CACNG1: variants seen among roughly 807,000 people sequenced by gnomAD.
The protein encoded by CACNG1 is calcium voltage-gated channel auxiliary subunit gamma 1, also known as voltage-dependent calcium channel gamma-1 subunit.
A neutral mutation model predicts 22.0 loss-of-function variants in CACNG1; 21 were observed. That is an observed-to-expected ratio of 0.95 (90% CI 0.68 to 1.37). The LOEUF (loss-of-function observed/expected upper bound fraction) is 1.37. Ranked by LOEUF, CACNG1 falls within the 40% of genes most tolerant of loss-of-function variation. The pLI is 0.00. For missense variants in CACNG1, 291 were observed against 308.6 expected (o/e 0.94, Z 0.43); for synonymous variants, 127 against 129.2 (o/e 0.98, Z 0.12).
chr17:67,047,809 C>T lies in CACNG1; in HGVS notation c.229+2920C>T, dbSNP rs543464091. ...ACATATTCCTGGGAATCTAGGAGGC[C>T]ACATGCATGCACAATGCTATATGCA... On this transcript the variant is annotated intron_variant, in intron 1 of 3. Transcript: ENST00000226021. Among the ~76,000 whole-genome samples the T allele has an allele frequency of 2.0e-5, 3 of 152,072 alleles. No homozygotes were observed. In the South Asian group the frequency reaches 6.2e-4, roughly 32 times the overall value.
In CACNG1 at chr17:67,054,988, CA is replaced by C. The variant is rs11322532; in HGVS notation, c.305-113del. The C allele has an allele frequency of 0.52, 540,546 of 1,046,938 alleles. 157,833 individuals are homozygous for C. Among genetic ancestry groups the C allele is most frequent in the East Asian group, 0.82 (33,129 of 40,424 alleles). 64.9% of individuals were successfully genotyped at this position (1,046,938 alleles called of 1,614,324 possible). ...CAGAGACACACACTTGACACACACACAATGACACACACAGACACTGACACAC... is the reference window on the plus strand; with the variant it reads ...CAGAGACACACACTTGACACACACACATGACACACACAGACACTGACACAC... On this transcript the variant is annotated intron_variant, in intron 2 of 3. Transcript: ENST00000226021. The surrounding 1 kb of genome is among the most constrained non-coding windows in gnomAD (Gnocchi z 4.6).
Position 67,044,567 on chromosome 17 carries a change from C to A in CACNG1, c.-94C>A, listed in dbSNP as rs2035682970. On this transcript the variant is annotated 5_prime_UTR_variant, in exon 1 of 4. Coordinates refer to ENST00000226021, the MANE Select transcript of CACNG1 (RefSeq NM_000727.4). This position sits in a 1 kb window ranked among gnomAD's most constrained non-coding sequence, Gnocchi z 6.9. ...AACTTAGTGGCCACTCCCAGCTCGA[C>A]AACCACTGCCACCCCCCAAGCTCGG... 2.5e-6 allele frequency: 2 copies of A among 808,558 alleles called. No homozygotes were observed. The highest frequency in any genetic ancestry group is 5.0e-5 in the East Asian group (2 of 39,988). 50.1% of individuals were successfully genotyped at this position (808,558 alleles called of 1,614,324 possible). A position where few individuals can be genotyped will look rare whatever the true frequency, so the allele number is the denominator to read the frequency against.
intron 1 of CACNG1, among the ~76,000 whole-genome samples, chr17:67,047,117 T>G (rs1198616922): frequency 1.3e-5 from 2 of 152,188 alleles, no homozygotes; most frequent in African/African-American, 4.8e-5. Context: ...CCGTCATCTA[T>G]TATTAACAAC....
Position 67,044,622 on chromosome 17 carries a change from C to CACCCA in CACNG1, c.-39_-38insACCCA, listed in dbSNP as rs1381641394. On this transcript the variant is annotated 5_prime_UTR_variant, in exon 1 of 4. Transcript: ENST00000226021. This position sits in a 1 kb window ranked among gnomAD's most constrained non-coding sequence, Gnocchi z 6.9. ...TCACCTGCCCTAGGAGACGCAGCCG[C>CACCCA]CGGACCCTGCCCAGGGCACCCACGC... 6.9e-7 allele frequency: 1 copy of CACCCA among 1,445,166 alleles called. No homozygotes were observed. The highest frequency in any genetic ancestry group is 1.1e-5 in the South Asian group (1 of 87,094). 89.5% of individuals were successfully genotyped at this position (1,445,166 alleles called of 1,614,324 possible). A position where few individuals can be genotyped will look rare whatever the true frequency, so the allele number is the denominator to read the frequency against.
chr17:67,046,792 A>G (rs959585799), intron 1 of CACNG1, among the ~76,000 whole-genome samples: 6 of 152,194 alleles, frequency 3.9e-5, no homozygotes, highest in Non-Finnish European at 8.8e-5. Flanking sequence ...CTGGGCAGTG[A>G]GCAGAATCCA....
chr17:67,052,345 C>T (rs1415458681), intron 1 of CACNG1, among the ~76,000 whole-genome samples: 1 of 152,208 alleles, frequency 6.6e-6, no homozygotes, highest in Non-Finnish European at 1.5e-5. Context: ...CATTTGCTTC[C>T]TCAACCTCAG....
At chr17:67,046,516 T>C (rs1026524559) in intron 1 of CACNG1, among the ~76,000 whole-genome samples, 39 of 152,116 alleles carry the variant, frequency 2.6e-4, no homozygotes, top group African/African-American at 9.2e-4. Context: ...GCCCAGCTGT[T>C]GTAGAAACAC....
intron 1 of CACNG1, among the ~76,000 whole-genome samples, chr17:67,051,408 A>G (rs1160836700): frequency 1.3e-5 from 2 of 152,088 alleles, no homozygotes; most frequent in Non-Finnish European, 2.9e-5. Flanking sequence ...ATGGTCTCCA[A>G]TGGGCAGCCA....
rs1375901450 is a variant in CACNG1, at chr17:67,054,598, GACACACAGACACACACTGAC to G, written c.305-488_305-469del. ...CAGCTGCACACAGGGTGAGTGGGCAGACACACAGACACACACTGACACACACAGACACACACAACACAGAT... is the reference window on the plus strand; with the variant it reads ...CAGCTGCACACAGGGTGAGTGGGCAGACACACAGACACACACAACACAGAT... On this transcript the variant is annotated intron_variant, in intron 2 of 3. Transcript: ENST00000226021. The surrounding 1 kb of genome is among the most constrained non-coding windows in gnomAD (Gnocchi z 4.6). 6.6e-6 allele frequency among the ~76,000 whole-genome samples: 1 copy of G among 151,940 alleles called. No homozygotes were observed. Among genetic ancestry groups the G allele is most frequent in the Non-Finnish European group, 1.5e-5 (1 of 67,984 alleles).
rs1352564202 is a variant in CACNG1 at position 67,054,751 on chromosome 17, C to T, written c.305-352C>T. ...ACACAGACACACACTGATACACATG[C>T]ATGATGACACACAAAATGACACACA... On this transcript the variant is annotated intron_variant, in intron 2 of 3. Coordinates refer to ENST00000226021, the MANE Select transcript of CACNG1 (RefSeq NM_000727.4). The surrounding 1 kb of genome is among the most constrained non-coding windows in gnomAD (Gnocchi z 4.6). Among the ~76,000 whole-genome samples, 2 of 150,848 alleles carry T rather than the reference C, an allele frequency of 1.3e-5. No individual in the cohort carries two copies. Among genetic ancestry groups the T allele is most frequent in the Non-Finnish European group, 3.0e-5 (2 of 67,764 alleles).
chr17:67,053,908 G>T, intron 1 of CACNG1, 88 bp from the exon 2 acceptor site: 3 of 925,116 alleles, frequency 3.2e-6, no homozygotes, highest in South Asian at 2.6e-5. Context: ...CCTGCATGCC[G>T]AGCAGAATGA....
chr17:67,056,236 T>C lies in CACNG1; in HGVS notation c.634T>C (p.Trp212Arg), dbSNP rs1312553991. The C allele has an allele frequency of 4.3e-6, 7 of 1,613,944 alleles. No homozygotes were observed. Among genetic ancestry groups the C allele is most frequent in the East Asian group, 2.2e-5 (1 of 44,860 alleles). ...FSLPRMPRNP[W>R]ESCMDAEPEH The stretch of plus-strand genomic sequence containing the variant: ...CCTGCCTCGAATGCCCCGGAACCCA[T>C]GGGAGTCCTGCATGGATGCTGAGCC... Residue 212 changes from tryptophan to arginine, a missense_variant, in exon 4 of 4, where the codon TGG becomes CGG. Physicochemically the swap from Trp to Arg is moderately radical, Grantham distance 101 (BLOSUM62 -3). Transcript: ENST00000226021. The surrounding 1 kb of genome is among the most constrained non-coding windows in gnomAD (Gnocchi z 4.3).
intron 1 of CACNG1, among the ~76,000 whole-genome samples, chr17:67,048,028 T>C (rs773327917): frequency 3.0e-4 from 45 of 152,174 alleles, no homozygotes; most frequent in Non-Finnish European, 5.4e-4. Context: ...AATTGGTCAC[T>C]AAGCTAATTG....
rs2270084 is a variant in CACNG1, at chr17:67,054,189, T to G, written c.304+119T>G. 1.3e-6 allele frequency: 1 copy of G among 792,216 alleles called. No homozygotes were observed. The highest frequency in any genetic ancestry group is 1.6e-5 in the South Asian group (1 of 64,468). The allele number at this position is 792,216 out of a possible 1,614,324, so 49.1% of individuals were successfully genotyped here. ...TCCTCACGCCTGATGAGAAGAAGCC[T>G]GTGGTGCATTTGAACAACAGCCTTG... On this transcript the variant is annotated intron_variant, in intron 2 of 3. Coordinates refer to ENST00000226021, the MANE Select transcript of CACNG1 (RefSeq NM_000727.4). The surrounding 1 kb of genome is among the most constrained non-coding windows in gnomAD (Gnocchi z 4.6).
chr17:67,053,899 C>A, intron 1 of CACNG1, 97 bp from the exon 2 acceptor site: 3 of 850,872 alleles, frequency 3.5e-6, no homozygotes, highest in Non-Finnish European at 6.1e-6. Context: ...CCAGAGCCCC[C>A]TGCATGCCGA....
Position 67,054,998 on chromosome 17 carries a change from C to G in CACNG1, c.305-105C>G. ...CACTTGACACACACACAATGACACA[C>G]ACAGACACTGACACACACACTGTGG... is the stretch of plus-strand genomic sequence containing the variant. On this transcript the variant is annotated intron_variant, in intron 2 of 3. Coordinates refer to ENST00000226021, the MANE Select transcript of CACNG1 (RefSeq NM_000727.4). The surrounding 1 kb of genome is among the most constrained non-coding windows in gnomAD (Gnocchi z 4.6). The G allele has an allele frequency of 3.3e-6, 4 of 1,205,678 alleles. No homozygotes were observed. The highest frequency in any genetic ancestry group is 4.6e-6 in the Non-Finnish European group (4 of 863,140). 74.7% of individuals were successfully genotyped at this position (1,205,678 alleles called of 1,614,324 possible).
chr17:67,044,613 A>T lies in CACNG1; in HGVS notation c.-48A>T, dbSNP rs1285881086. On this transcript the variant is annotated 5_prime_UTR_variant, in exon 1 of 4. Coordinates refer to ENST00000226021, the MANE Select transcript of CACNG1 (RefSeq NM_000727.4). The surrounding 1 kb of genome is among the most constrained non-coding windows in gnomAD (Gnocchi z 6.9). ...CTCGGCTTGTCACCTGCCCTAGGAG[A>T]CGCAGCCGCCGGACCCTGCCCAGGG... 3 of 1,295,474 alleles carry T rather than the reference A, an allele frequency of 2.3e-6. No homozygotes were observed. Among genetic ancestry groups the T allele is most frequent in the East Asian group, 2.3e-5 (1 of 43,364 alleles). The allele number at this position is 1,295,474 out of a possible 1,614,324, so 80.2% of individuals were successfully genotyped here. A position where few individuals can be genotyped will look rare whatever the true frequency, so the allele number is the denominator to read the frequency against.
In CACNG1 at chr17:67,054,411, A is replaced by T. The variant is rs2035746296; in HGVS notation, c.304+341A>T. ...CCGTGGTGGCTCTTGGTGGCATGTG[A>T]TAGTTAGAGTCTGCAGGGACAGTCT... On this transcript the variant is annotated intron_variant, in intron 2 of 3. Transcript: ENST00000226021. This position sits in a 1 kb window ranked among gnomAD's most constrained non-coding sequence, Gnocchi z 4.6. Among the ~76,000 whole-genome samples, 1 of 152,160 alleles carries T rather than the reference A, an allele frequency of 6.6e-6. No homozygotes were observed. Among genetic ancestry groups the T allele is most frequent in the Non-Finnish European group, 1.5e-5 (1 of 68,014 alleles).
Position 67,055,346 on chromosome 17 carries a change from C to T in CACNG1, c.442+106C>T. On this transcript the variant is annotated intron_variant, in intron 3 of 3. Coordinates refer to ENST00000226021, the MANE Select transcript of CACNG1 (RefSeq NM_000727.4). The surrounding 1 kb of genome is among the most constrained non-coding windows in gnomAD (Gnocchi z 4.5). ...GCGAGATTTGGGTGAGGGGCATTTC[C>T]CAGGCTCCATCCCCATCCAGGGGCA... 3.0e-6 allele frequency: 4 copies of T among 1,347,596 alleles called. No homozygotes were observed. Among genetic ancestry groups the T allele is most frequent in the Non-Finnish European group, 3.0e-6 (3 of 990,046 alleles). The allele number at this position is 1,347,596 out of a possible 1,614,324, so 83.5% of individuals were successfully genotyped here. A position where few individuals can be genotyped will look rare whatever the true frequency, so the allele number is the denominator to read the frequency against.
Sources: gnomAD v4.1 joint callset for allele counts (sites outside exome capture counted in the v4.1 genomes callset) on GRCh38, gnomAD v4.1.1 for gene constraint, Gnocchi (gnomAD v3.1) non-coding constraint, MANE v1.5 for transcripts, NCBI Gene and HGNC (gene_info 2026-07-23, HGNC 2026-07-21) for gene names.